Variants in MARCHF1 observed in about 807,000 individuals in gnomAD.
The protein encoded by MARCHF1 is membrane associated ring-CH-type finger 1.
Under a neutral mutation model 54.2 loss-of-function variants are expected in MARCHF1, and 40 were observed. That is an observed-to-expected ratio of 0.74 (90% CI 0.57 to 0.96). The LOEUF is 0.96. Among genes scored for constraint, MARCHF1 ranks in the 40% least tolerant of loss-of-function variants. The pLI is 0.00. For synonymous variants in MARCHF1, 236 were observed against 236.3 expected (o/e 1.00, Z 0.01); for missense variants, 586 against 656.5 (o/e 0.89, Z 1.17).
chr4:163,747,038 C>A (rs1746383548), intron 4 of MARCHF1, among the ~76,000 whole-genome samples: 1 of 152,100 alleles, frequency 6.6e-6, no homozygotes, highest in Admixed American at 6.6e-5. Flanking sequence ...GTAAAGGGAA[C>A]AAAGTTCAGG....
intron 1 of MARCHF1, among the ~76,000 whole-genome samples, chr4:164,134,610 T>TAA (rs537602328): frequency 2.3e-4 from 35 of 152,144 alleles, no homozygotes; most frequent in African/African-American, 7.9e-4. Flanking sequence ...TCGCCCTCAC[T>TAA]CCACAATATT....
At chr4:163,670,267 T>TG (rs1390254616) in intron 5 of MARCHF1, among the ~76,000 whole-genome samples, 1 of 151,800 alleles carries the variant, frequency 6.6e-6, no homozygotes, top group Non-Finnish European at 1.5e-5. Flanking sequence ...GAAGGGGCCA[T>TG]GGGGGGAGAG....
At chr4:163,972,525 T>C (rs1752566227) in intron 3 of MARCHF1, among the ~76,000 whole-genome samples, 1 of 151,988 alleles carries the variant, frequency 6.6e-6, no homozygotes, top group African/African-American at 2.4e-5. Flanking sequence ...TTATAAAAAG[T>C]CTTAATGTAT....
At chr4:164,195,562 A>C (rs942001172) in intron 1 of MARCHF1, among the ~76,000 whole-genome samples, 2 of 152,188 alleles carry the variant, frequency 1.3e-5, no homozygotes, top group Non-Finnish European at 2.9e-5. Context: ...CTGGATTACT[A>C]TCTGTGCCCT....
intron 2 of MARCHF1, among the ~76,000 whole-genome samples, chr4:164,012,043 A>C (rs1412599584): frequency 6.6e-6 from 1 of 152,142 alleles, no homozygotes; most frequent in Non-Finnish European, 1.5e-5. Context: ...GCCAGAGGGA[A>C]ATTTCTTACA....
intron 1 of MARCHF1, among the ~76,000 whole-genome samples, chr4:164,284,487 T>C (rs1035919040): frequency 2.0e-5 from 3 of 151,034 alleles, no homozygotes; most frequent in Non-Finnish European, 4.4e-5. Flanking sequence ...TAAGTAAGGA[T>C]TTGAATATTC....
intron 2 of MARCHF1, among the ~76,000 whole-genome samples, chr4:164,087,628 A>G (rs1476862475): frequency 6.6e-6 from 1 of 152,188 alleles, no homozygotes; most frequent in East Asian, 1.9e-4. Context: ...CTGTTCACAA[A>G]CAAATTAATC....
At chr4:164,202,561 C>G (rs1027216589) in intron 1 of MARCHF1, among the ~76,000 whole-genome samples, 1 of 151,872 alleles carries the variant, frequency 6.6e-6, no homozygotes, top group African/African-American at 2.4e-5. Context: ...TGTTATTATC[C>G]CCATTATATA....
chr4:163,821,611 A>T (rs1396490797), intron 4 of MARCHF1, among the ~76,000 whole-genome samples: 1 of 152,066 alleles, frequency 6.6e-6, no homozygotes, highest in Non-Finnish European at 1.5e-5. Flanking sequence ...TAGCAGAATT[A>T]GAAAGTGACT....
chr4:163,886,084 T>A (rs1423753859), intron 3 of MARCHF1, among the ~76,000 whole-genome samples: 1 of 149,030 alleles, frequency 6.7e-6, no homozygotes, highest in East Asian at 1.9e-4. Flanking sequence ...ATATATATAT[T>A]TTAATGTATA....
At chr4:163,885,072 GA>G (rs1750497517) in intron 3 of MARCHF1, among the ~76,000 whole-genome samples, 1 of 151,974 alleles carries the variant, frequency 6.6e-6, no homozygotes, top group Non-Finnish European at 1.5e-5. Context: ...GACTTAGAAG[GA>G]AAAAACAATA....
intron 1 of MARCHF1, among the ~76,000 whole-genome samples, chr4:164,149,631 T>C (rs968684722): frequency 1.3e-5 from 2 of 152,158 alleles, no homozygotes; most frequent in African/African-American, 4.8e-5. Flanking sequence ...AAGGACTCCT[T>C]CAGTAAAAAC....
intron 1 of MARCHF1, among the ~76,000 whole-genome samples, chr4:164,357,502 G>T (rs1228212944): frequency 6.6e-6 from 1 of 152,112 alleles, no homozygotes; most frequent in Non-Finnish European, 1.5e-5. Context: ...AGTCACTTTA[G>T]TTAAATAAAG....
chr4:163,737,919 A>T (rs1438021902), intron 4 of MARCHF1, among the ~76,000 whole-genome samples: 1 of 145,476 alleles, frequency 6.9e-6, no homozygotes, highest in South Asian at 2.3e-4. Flanking sequence ...GTATATACCC[A>T]AAGGACTATA....
At chr4:163,604,512 A>G (rs1443580505) in intron 7 of MARCHF1, among the ~76,000 whole-genome samples, 1 of 152,104 alleles carries the variant, frequency 6.6e-6, no homozygotes, top group Non-Finnish European at 1.5e-5. Flanking sequence ...GGACACAGCC[A>G]TGGCTTTCTA....
chr4:164,262,020 G>A (rs906071152), intron 1 of MARCHF1, among the ~76,000 whole-genome samples: 7 of 150,742 alleles, frequency 4.6e-5, no homozygotes, highest in East Asian at 2.0e-4. Context: ...CAAGAGGATC[G>A]CTTGAGTCCA....
chr4:164,106,022 T>C (rs1189716116), intron 2 of MARCHF1, among the ~76,000 whole-genome samples: 1 of 150,520 alleles, frequency 6.6e-6, no homozygotes, highest in East Asian at 2.0e-4. Context: ...AAAATGCTCA[T>C]CATCACTGGC....
intron 1 of MARCHF1, among the ~76,000 whole-genome samples, chr4:164,367,729 A>G (rs961162067): frequency 2.0e-5 from 3 of 151,142 alleles, no homozygotes; most frequent in Non-Finnish European, 4.4e-5. Context: ...GGTTGTTTTT[A>G]TTTTTCAGTA....
At chr4:163,772,113 C>T (rs974925473) in intron 4 of MARCHF1, among the ~76,000 whole-genome samples, 1 of 152,138 alleles carries the variant, frequency 6.6e-6, no homozygotes, top group Non-Finnish European at 1.5e-5. Context: ...ATATTCACAA[C>T]ATCTCTGGCT....
Sources: gnomAD v4.1 joint callset for allele counts (sites outside exome capture counted in the v4.1 genomes callset) on GRCh38, gnomAD v4.1.1 for gene constraint, MANE v1.5 for transcripts, NCBI Gene and HGNC (gene_info 2026-07-23, HGNC 2026-07-21) for gene names.